CACNA1A: variants seen among roughly 807,000 people sequenced by gnomAD.
CACNA1A encodes the protein calcium voltage-gated channel subunit alpha1 A, also known as voltage-dependent P/Q-type calcium channel subunit alpha-1A.
Under a neutral mutation model 262.4 loss-of-function variants are expected in CACNA1A, and 57 were observed. That is an observed-to-expected ratio of 0.22 (90% CI 0.18 to 0.27). CACNA1A has a LOEUF of 0.27. Among genes scored for constraint, CACNA1A ranks in the 10% least tolerant of loss-of-function variants. CACNA1A has a pLI of 1.00. For missense variants in CACNA1A, 2,526 were observed against 3,562.8 expected (o/e 0.71, Z 7.41); for synonymous variants, 1,431 against 1,419.3 (o/e 1.01, Z -0.18).
rs752128657 is a variant in CACNA1A, at chr19:13,455,122, C to T, written c.384G>A (p.Pro128=). ...CATCACTCACCAGCCGTTCAGACAT[C>T]GGGGTCTTGTCATCATCAGGCAGAT... ...EQHLPDDDKT[P]MSERLDDTEP... is the part of the protein sequence containing the mutation. Residue 128 remains proline (P), a synonymous_variant, in exon 2 of 47, where the codon CCG becomes CCA. Transcript: ENST00000360228. 14 of 1,606,558 alleles carry T rather than the reference C, an allele frequency of 8.7e-6. No homozygotes were observed. The highest frequency in any genetic ancestry group is 4.5e-5 in the East Asian group (2 of 44,830).
At chr19:13,434,495 T>C (rs1407232586) in intron 3 of CACNA1A, among the ~76,000 whole-genome samples, 1 of 152,150 alleles carries the variant, frequency 6.6e-6, no homozygotes, top group Non-Finnish European at 1.5e-5. Context: ...TGGAAGGTAA[T>C]TGGATCATGG....
At chr19:13,371,959 G>C (rs1453435428) in intron 3 of CACNA1A, among the ~76,000 whole-genome samples, 180 bp from the exon 4 acceptor site, 1 of 152,024 alleles carries the variant, frequency 6.6e-6, no homozygotes. Context: ...CCTGCCTCAC[G>C]GGATAAAAGG....
chr19:13,473,426 C>T (rs1978293276), intron 1 of CACNA1A, among the ~76,000 whole-genome samples: 1 of 152,120 alleles, frequency 6.6e-6, no homozygotes, highest in African/African-American at 2.4e-5. Flanking sequence ...TTCTCTAGAG[C>T]CGTCCAAGGG....
At chr19:13,264,879 T>TC (rs2056826178) in intron 24 of CACNA1A, among the ~76,000 whole-genome samples, 2 of 14,922 alleles carry the variant, frequency 1.3e-4, no homozygotes, top group Non-Finnish European at 4.7e-4. Flanking sequence ...CCTTTAATCT[T>TC]TTTTTTTTTT....
Position 13,245,223 on chromosome 19 carries a change from C to T in CACNA1A, c.4909G>A (p.Val1637Ile). The T allele has an allele frequency of 6.2e-7, 1 of 1,613,974 alleles. No individual in the cohort carries two copies. The highest frequency in any genetic ancestry group is 8.5e-7 in the Non-Finnish European group (1 of 1,179,830). Residue 1637 changes from valine (V) to isoleucine (I), a missense_variant, in exon 31 of 47, where the codon GTT (valine) becomes ATT (isoleucine). Val to Ile is a conservative substitution (Grantham distance 29). Coordinates refer to ENST00000360228, the MANE Select transcript of CACNA1A (RefSeq NM_001127222.2). ...DAWNIFDFVT[V>I]LGSITDILVT... Reference sequence around the variant, plus strand: ...AGGATATCGGTGATGCTGCCCAGAACAGTCACAAAGTCGAAGATGTTCCAG... The same window carrying T: ...AGGATATCGGTGATGCTGCCCAGAATAGTCACAAAGTCGAAGATGTTCCAG...
At chr19:13,332,191 A>C (rs576047459) in intron 9 of CACNA1A, among the ~76,000 whole-genome samples, 4 of 152,152 alleles carry the variant, frequency 2.6e-5, no homozygotes, top group Non-Finnish European at 5.9e-5. Flanking sequence ...ATTTGAGGCA[A>C]GGAGTTCAAG....
chr19:13,445,089 G>A (rs1378594097), intron 3 of CACNA1A, among the ~76,000 whole-genome samples: 1 of 150,046 alleles, frequency 6.7e-6, no homozygotes, highest in Non-Finnish European at 1.5e-5. Context: ...GCAGTGAGCC[G>A]AGATCATGCC....
chr19:13,464,543 A>ATTTTTTTTTTT (rs540418372), intron 1 of CACNA1A, among the ~76,000 whole-genome samples: 11 of 128,942 alleles, frequency 8.5e-5, no homozygotes, highest in East Asian at 4.6e-4. Flanking sequence ...AACTTTTCCA[A>ATTTTTTTTTTT]TTTTTTTTTT....
chr19:13,335,789 G>A lies in CACNA1A; in HGVS notation c.1082+17C>T, dbSNP rs992037503. 19 of 1,519,126 alleles carry A rather than the reference G, an allele frequency of 1.3e-5. No homozygotes were observed. The highest frequency in any genetic ancestry group is 1.7e-5 in the Non-Finnish European group (19 of 1,100,018). The allele number at this position is 1,519,126 out of a possible 1,614,324, so 94.1% of individuals were successfully genotyped here. A position where few individuals can be genotyped will look rare whatever the true frequency, so the allele number is the denominator to read the frequency against. On this transcript the variant is annotated intron_variant, in intron 7 of 46. Coordinates refer to ENST00000360228, the MANE Select transcript of CACNA1A (RefSeq NM_001127222.2). ...AGAGGAGTGAGTGGGATGGGGTGGG[G>A]AGTAGCAGAAACTTACCCTGACAGC...
Position 13,214,056 on chromosome 19 carries a change from C to T in CACNA1A, c.5940+177G>A. The T allele has an allele frequency of 1.7e-6, 1 of 596,932 alleles. No individual in the cohort carries two copies. Among genetic ancestry groups the T allele is most frequent in the Non-Finnish European group, 3.0e-6 (1 of 333,416 alleles). 37.0% of individuals were successfully genotyped at this position (596,932 alleles called of 1,614,324 possible). On this transcript the variant is annotated intron_variant, in intron 40 of 46. Coordinates refer to ENST00000360228, the MANE Select transcript of CACNA1A (RefSeq NM_001127222.2). This position sits in a 1 kb window ranked among gnomAD's most constrained non-coding sequence, Gnocchi z 4.1. The stretch of plus-strand genomic sequence containing the variant: ...TGGTCTCATCCTGGTCTCAAACGAT[C>T]CCTCTGCCCTGGCCTCTCAAAGCAC...
chr19:13,226,030 T>C (rs2055423501), intron 37 of CACNA1A: 1 of 151,714 alleles, frequency 6.6e-6, no homozygotes. Flanking sequence ...TCCCAGGTGA[T>C]AGAAAAAAAG....
intron 1 of CACNA1A, among the ~76,000 whole-genome samples, chr19:13,477,610 C>G (rs562969661): frequency 6.6e-6 from 1 of 152,222 alleles, no homozygotes; most frequent in Non-Finnish European, 1.5e-5. Flanking sequence ...ATTATTCACA[C>G]AGCAAAGATG....
chr19:13,467,486 A>G (rs1254579990), intron 1 of CACNA1A, among the ~76,000 whole-genome samples: 1 of 152,156 alleles, frequency 6.6e-6, no homozygotes, highest in African/African-American at 2.4e-5. Context: ...ATCTTTTAAA[A>G]TGATAATAAT....
intron 3 of CACNA1A, among the ~76,000 whole-genome samples, chr19:13,421,882 G>A (rs1483210644): frequency 6.6e-6 from 1 of 152,184 alleles, no homozygotes; most frequent in Non-Finnish European, 1.5e-5. Context: ...GATTTGGAGG[G>A]TCAGGAGAGG....
At chr19:13,400,512 G>T (rs1004724813) in intron 3 of CACNA1A, among the ~76,000 whole-genome samples, 2 of 152,086 alleles carry the variant, frequency 1.3e-5, no homozygotes, top group African/African-American at 4.8e-5. Flanking sequence ...CCACCATCAT[G>T]CTCACTGACT....
chr19:13,216,295 T>C (rs1038804684), intron 38 of CACNA1A, among the ~76,000 whole-genome samples: 2 of 152,198 alleles, frequency 1.3e-5, no homozygotes, highest in African/African-American at 2.4e-5. Context: ...GTGTGCACCA[T>C]GTAATGTGCC....
chr19:13,319,510 G>T (rs1502017), intron 10 of CACNA1A, among the ~76,000 whole-genome samples: 1 of 151,810 alleles, frequency 6.6e-6, no homozygotes, highest in East Asian at 1.9e-4. Flanking sequence ...CATCCAGCAC[G>T]TTTATCAAAA....
chr19:13,324,276 G>A (rs540238985), intron 10 of CACNA1A, among the ~76,000 whole-genome samples: 2 of 152,278 alleles, frequency 1.3e-5, no homozygotes, highest in African/African-American at 4.8e-5. Context: ...TGATCAAAGG[G>A]TATAAGTTGC....
intron 3 of CACNA1A, among the ~76,000 whole-genome samples, chr19:13,403,820 T>C (rs147874025): frequency 2.0e-4 from 30 of 152,158 alleles, no homozygotes; most frequent in Non-Finnish European, 2.4e-4. Context: ...TAGCTGGGCA[T>C]GGTGGTATGC....
Sources: gnomAD v4.1 joint callset for allele counts (sites outside exome capture counted in the v4.1 genomes callset) on GRCh38, gnomAD v4.1.1 for gene constraint, Gnocchi (gnomAD v3.1) non-coding constraint, MANE v1.5 for transcripts, NCBI Gene and HGNC (gene_info 2026-07-23, HGNC 2026-07-21) for gene names.